Variants in ANK1 observed in about 807,000 individuals in gnomAD.
ANK1 encodes ankyrin-1.
A neutral mutation model predicts 210.4 loss-of-function variants in ANK1; 51 were observed. The ratio of observed to expected loss-of-function variants is 0.24; its 90% CI spans 0.19 to 0.31. The LOEUF (loss-of-function observed/expected upper bound fraction) is 0.31, where lower values mean the gene tolerates loss of function less well. Among genes scored for constraint, ANK1 ranks in the 10% least tolerant of loss-of-function variants. ANK1 has a pLI of 1.00. For synonymous variants in ANK1, 967 were observed against 1,025.9 expected (o/e 0.94, Z 1.10); for missense variants, 2,051 against 2,504.4 (o/e 0.82, Z 3.86).
At chr8:41,856,766 C>CA (rs993774280) in intron 1 of ANK1, among the ~76,000 whole-genome samples, 68 of 146,298 alleles carry the variant, frequency 4.6e-4, no homozygotes, top group African/African-American at 1.3e-3. Context: ...TTCCAAAATC[C>CA]AAAAAAAAAA....
chr8:41,774,765 C>T (rs762882902), intron 1 of ANK1, among the ~76,000 whole-genome samples: 1 of 152,258 alleles, frequency 6.6e-6, no homozygotes, highest in Non-Finnish European at 1.5e-5. Flanking sequence ...GCCCACGCCG[C>T]AGAGCATGCC....
At chr8:41,697,756 G>A (rs1821492407) in intron 24 of ANK1, 2 of 503,400 alleles carry the variant, frequency 4.0e-6, no homozygotes, top group Non-Finnish European at 7.3e-6. Flanking sequence ...ACAGTGGGCT[G>A]GTCAAGGACC....
intron 1 of ANK1, among the ~76,000 whole-genome samples, chr8:41,772,052 C>G (rs1563729293): frequency 6.6e-6 from 1 of 152,178 alleles, no homozygotes; most frequent in African/African-American, 2.4e-5. Context: ...AGTGGCTCCT[C>G]TCTACAGGGA....
At chr8:41,830,994 T>C (rs1296186464) in intron 1 of ANK1, among the ~76,000 whole-genome samples, 1 of 152,150 alleles carries the variant, frequency 6.6e-6, no homozygotes, top group African/African-American at 2.4e-5. Context: ...GAGAGGCTAA[T>C]TGTTGGTGGC....
chr8:41,728,213 C>T (rs2150663649), intron 3 of ANK1, among the ~76,000 whole-genome samples: 1 of 152,206 alleles, frequency 6.6e-6, no homozygotes, highest in South Asian at 2.1e-4. Flanking sequence ...AGCCTGTTCT[C>T]TATGACAAAC....
At chr8:41,865,656 C>T (rs1434659810) in intron 1 of ANK1, among the ~76,000 whole-genome samples, 2 of 152,114 alleles carry the variant, frequency 1.3e-5, no homozygotes, top group Non-Finnish European at 2.9e-5. Context: ...GCACATGCCA[C>T]CATGCACTCA....
chr8:41,847,626 G>A (rs1005767185), intron 1 of ANK1, among the ~76,000 whole-genome samples: 13 of 152,154 alleles, frequency 8.5e-5, no homozygotes, highest in Non-Finnish European at 1.6e-4. Flanking sequence ...TACACATGCA[G>A]AGATTCAGAG....
chr8:41,751,967 C>G lies in ANK1; in HGVS notation c.129+6069G>C, dbSNP rs1837812383. Among the ~76,000 whole-genome samples, 4 of 152,278 alleles carry G rather than the reference C, an allele frequency of 2.6e-5. No individual in the cohort carries two copies. In the South Asian group the frequency reaches 8.3e-4, roughly 32 times the overall value. On this transcript the variant is annotated intron_variant, in intron 2 of 42. Coordinates refer to ENST00000289734, the MANE Select transcript of ANK1 (RefSeq NM_000037.4). ...CACCTTCCCTTCCATCACTCAACTCCAGCCTCACTGTTCCCCCAAGCAAAC... is the reference window on the plus strand; with the variant it reads ...CACCTTCCCTTCCATCACTCAACTCGAGCCTCACTGTTCCCCCAAGCAAAC...
chr8:41,849,466 G>C (rs749348260), intron 1 of ANK1, among the ~76,000 whole-genome samples: 1 of 151,978 alleles, frequency 6.6e-6, no homozygotes, highest in African/African-American at 2.4e-5. Context: ...AGAGACTGCA[G>C]TGAGCTGAGA....
intron 2 of ANK1, among the ~76,000 whole-genome samples, chr8:41,751,273 A>C (rs535215055): frequency 5.9e-5 from 9 of 152,244 alleles, no homozygotes; most frequent in Admixed American, 1.3e-4. Context: ...CAAATGCCAG[A>C]GTATCTACCA....
chr8:41,815,508 C>T (rs1803179533), intron 1 of ANK1, among the ~76,000 whole-genome samples: 2 of 152,028 alleles, frequency 1.3e-5, no homozygotes, highest in African/African-American at 4.8e-5. Flanking sequence ...ACTTCATGTC[C>T]ATTCAGTTTT....
chr8:41,867,761 T>G (rs28648557), intron 1 of ANK1, among the ~76,000 whole-genome samples: 1,816 of 152,292 alleles, frequency 0.012, 34 homozygotes, highest in African/African-American at 0.041. Context: ...AATGACAGTG[T>G]TCCTCATCTC....
At chr8:41,778,523 T>A (rs1303648084) in intron 1 of ANK1, among the ~76,000 whole-genome samples, 1 of 152,202 alleles carries the variant, frequency 6.6e-6, no homozygotes, top group Admixed American at 6.5e-5. Flanking sequence ...ATCTTCTTGA[T>A]TATAAAAGAT....
intron 1 of ANK1, among the ~76,000 whole-genome samples, chr8:41,822,064 AAGAGAGAGAG>A (rs10605195): frequency 0.011 from 386 of 36,068 alleles, 6 homozygotes; most frequent in East Asian, 0.028. Flanking sequence ...GAAAGAAAGA[AAGAGAGAGAG>A]AGAGAGAGAG....
At chr8:41,795,032 C>A (rs567461544) in intron 1 of ANK1, among the ~76,000 whole-genome samples, 1 of 152,274 alleles carries the variant, frequency 6.6e-6, no homozygotes, top group East Asian at 1.9e-4. Context: ...ACCTGGAGGA[C>A]AAAGGTTTTT....
intron 1 of ANK1, among the ~76,000 whole-genome samples, chr8:41,764,383 G>A (rs1251164364): frequency 6.6e-6 from 1 of 152,160 alleles, no homozygotes; most frequent in Non-Finnish European, 1.5e-5. Context: ...CAGGGCAGGA[G>A]GCGTGTCCAA....
chr8:41,885,586 A>G (rs1818326200), intron 1 of ANK1, among the ~76,000 whole-genome samples: 1 of 152,214 alleles, frequency 6.6e-6, no homozygotes, highest in Non-Finnish European at 1.5e-5. Context: ...GGCTGGATCC[A>G]TCACACACCT....
At chr8:41,740,732 G>A (rs1247755718) in intron 2 of ANK1, among the ~76,000 whole-genome samples, 1 of 152,140 alleles carries the variant, frequency 6.6e-6, no homozygotes. Flanking sequence ...TCCTGAGTTG[G>A]TGCAGTGAGT....
At chr8:41,711,253 G>A (rs905582624) in intron 16 of ANK1, among the ~76,000 whole-genome samples, 60 of 152,252 alleles carry the variant, frequency 3.9e-4, no homozygotes, top group African/African-American at 1.4e-3. Flanking sequence ...GCCCAGAGAA[G>A]ATTTTCACTA....
Sources: gnomAD v4.1 joint callset for allele counts (sites outside exome capture counted in the v4.1 genomes callset) on GRCh38, gnomAD v4.1.1 for gene constraint, MANE v1.5 for transcripts, NCBI Gene and HGNC (gene_info 2026-07-23, HGNC 2026-07-21) for gene names.